GPC6: variants seen among roughly 807,000 people sequenced by gnomAD.
GPC6 encodes glypican-6.
Under a neutral mutation model 55.2 loss-of-function variants are expected in GPC6, and 14 were observed. The observed-to-expected ratio is 0.25, with a 90% confidence interval of 0.17 to 0.40. The LOEUF (loss-of-function observed/expected upper bound fraction) is 0.40. Among genes scored for constraint, GPC6 ranks in the 10% least tolerant of loss-of-function variants. The pLI, the probability that GPC6 is intolerant of heterozygous loss-of-function variation, is 1.00. For synonymous variants in GPC6, 278 were observed against 259.6 expected (o/e 1.07, Z -0.68); for missense variants, 641 against 708.5 (o/e 0.90, Z 1.08).
chr13:93,942,767 T>C (rs77461149), intron 3 of GPC6, among the ~76,000 whole-genome samples: 4,095 of 152,270 alleles, frequency 0.027, 204 homozygotes, highest in African/African-American at 0.094. Context: ...TCTTTAGGGA[T>C]CTACATACTG....
intron 1 of GPC6, among the ~76,000 whole-genome samples, chr13:93,424,309 CAA>C (rs1877037716): frequency 6.6e-6 from 1 of 152,240 alleles, no homozygotes; most frequent in East Asian, 1.9e-4. Flanking sequence ...CAGCATCGAC[CAA>C]GTTATTGGAT....
At chr13:94,209,066 A>G (rs548771312) in intron 4 of GPC6, among the ~76,000 whole-genome samples, 1 of 151,884 alleles carries the variant, frequency 6.6e-6, no homozygotes, top group Non-Finnish European at 1.5e-5. Context: ...AAAGTTGTAG[A>G]ATAGGTATGT....
chr13:94,184,547 A>C (rs1382659328), intron 4 of GPC6, among the ~76,000 whole-genome samples: 1 of 152,230 alleles, frequency 6.6e-6, no homozygotes, highest in African/African-American at 2.4e-5. Context: ...AATGCTCATC[A>C]TCACTAATCA....
chr13:93,761,525 T>C (rs1488973492), intron 2 of GPC6, among the ~76,000 whole-genome samples: 1 of 152,136 alleles, frequency 6.6e-6, no homozygotes, highest in African/African-American at 2.4e-5. Flanking sequence ...TTTAAAATTT[T>C]TAAATAGAGA....
intron 4 of GPC6, among the ~76,000 whole-genome samples, chr13:94,225,670 C>CATAT (rs3043530): frequency 0.027 from 3,990 of 147,250 alleles, 70 homozygotes; most frequent in African/African-American, 0.043. Flanking sequence ...AAAGTATACA[C>CATAT]ATATATATAT....
chr13:94,041,052 A>G (rs1305452309), intron 4 of GPC6, among the ~76,000 whole-genome samples: 1 of 151,910 alleles, frequency 6.6e-6, no homozygotes, highest in Non-Finnish European at 1.5e-5. Flanking sequence ...ATCACTAGAC[A>G]TCAGATTGCT....
intron 1 of GPC6, among the ~76,000 whole-genome samples, chr13:93,299,593 G>C (rs1878607584): frequency 6.6e-6 from 1 of 152,176 alleles, no homozygotes; most frequent in South Asian, 2.1e-4. Context: ...CTTCTATTAA[G>C]AGTTAAAGCA....
At chr13:93,861,317 A>G (rs1888803048) in intron 3 of GPC6, among the ~76,000 whole-genome samples, 1 of 151,546 alleles carries the variant, frequency 6.6e-6, no homozygotes, top group South Asian at 2.1e-4. Context: ...TAAATGAATA[A>G]GACATTCATT....
chr13:94,166,418 A>C (rs1888373600), intron 4 of GPC6, among the ~76,000 whole-genome samples: 1 of 152,186 alleles, frequency 6.6e-6, no homozygotes, highest in South Asian at 2.1e-4. Flanking sequence ...CTGTCGTTGC[A>C]AACCCATTCA....
intron 7 of GPC6, among the ~76,000 whole-genome samples, chr13:94,396,495 C>A (rs1880902139): frequency 6.6e-6 from 1 of 152,244 alleles, no homozygotes; most frequent in Non-Finnish European, 1.5e-5. Flanking sequence ...CAACTCACTC[C>A]TGCAGCTTCA....
intron 3 of GPC6, among the ~76,000 whole-genome samples, chr13:93,894,314 T>G (rs1875865257): frequency 6.6e-6 from 1 of 152,278 alleles, no homozygotes; most frequent in East Asian, 1.9e-4. Context: ...CTACACTTGT[T>G]TTTACTATTG....
At chr13:94,012,099 T>A (rs1348314742) in intron 3 of GPC6, among the ~76,000 whole-genome samples, 1 of 152,206 alleles carries the variant, frequency 6.6e-6, no homozygotes, top group Non-Finnish European at 1.5e-5. Context: ...ACCACTGGCA[T>A]CTTTTGAAGG....
chr13:93,704,883 G>A (rs1454987622), intron 2 of GPC6, among the ~76,000 whole-genome samples: 1 of 151,942 alleles, frequency 6.6e-6, no homozygotes, highest in East Asian at 1.9e-4. Flanking sequence ...TGGATGGCAT[G>A]ATCTGACTGG....
At chr13:93,819,284 G>A (rs1038488329) in intron 2 of GPC6, among the ~76,000 whole-genome samples, 1 of 152,184 alleles carries the variant, frequency 6.6e-6, no homozygotes, top group Non-Finnish European at 1.5e-5. Context: ...TTGGTGGTTT[G>A]TTCTTGGAGT....
At chr13:94,336,907 T>C (rs1162220917) in intron 6 of GPC6, among the ~76,000 whole-genome samples, 1 of 152,132 alleles carries the variant, frequency 6.6e-6, no homozygotes, top group Non-Finnish European at 1.5e-5. Flanking sequence ...ATATTGGGGA[T>C]CAAAAATGCT....
rs1185512150 is a variant in GPC6, at chr13:93,227,412, C to G, written c.-45C>G. The G allele has an allele frequency of 6.2e-7, 1 of 1,602,260 alleles. No individual in the cohort carries two copies. The highest frequency in any genetic ancestry group is 1.1e-5 in the South Asian group (1 of 90,546). On this transcript the variant is annotated 5_prime_UTR_variant, in exon 1 of 9. Coordinates refer to ENST00000377047, the MANE Select transcript of GPC6 (RefSeq NM_005708.5). This position sits in a 1 kb window ranked among gnomAD's most constrained non-coding sequence, Gnocchi z 4.3. ...TCGGCTTGAGGGGCAAGGTGAAGAGCGCACCGGCCGTGGGGTTTACCGAGC... is the reference window on the plus strand; with the variant it reads ...TCGGCTTGAGGGGCAAGGTGAAGAGGGCACCGGCCGTGGGGTTTACCGAGC...
intron 3 of GPC6, among the ~76,000 whole-genome samples, chr13:93,849,107 AT>A (rs1408797040): frequency 6.6e-6 from 1 of 152,160 alleles, no homozygotes; most frequent in Non-Finnish European, 1.5e-5. Context: ...CATGCCTTCC[AT>A]CCTTATCATT....
chr13:94,387,212 A>G (rs1409514415), intron 7 of GPC6, among the ~76,000 whole-genome samples: 5 of 151,974 alleles, frequency 3.3e-5, no homozygotes, highest in African/African-American at 1.2e-4. Context: ...CTGCTCCCCC[A>G]AGTCACTCCA....
intron 1 of GPC6, among the ~76,000 whole-genome samples, chr13:93,265,882 G>T (rs1410286506): frequency 6.6e-6 from 1 of 151,704 alleles, no homozygotes; most frequent in African/African-American, 2.4e-5. Flanking sequence ...ACAACTGGCA[G>T]GAGCCACCGC....
Sources: gnomAD v4.1 joint callset for allele counts (sites outside exome capture counted in the v4.1 genomes callset) on GRCh38, gnomAD v4.1.1 for gene constraint, Gnocchi (gnomAD v3.1) non-coding constraint, MANE v1.5 for transcripts, NCBI Gene and HGNC (gene_info 2026-07-23, HGNC 2026-07-21) for gene names.